Variants in VSTM5 observed in about 807,000 individuals in gnomAD.
VSTM5 encodes V-set and transmembrane domain containing 5, also known as V-set and transmembrane domain-containing protein 5.
VSTM5 carries 21 observed loss-of-function variants against 20.3 expected under a neutral mutation model. The observed-to-expected ratio is 1.03, with a 90% CI of 0.73 to 1.49. The LOEUF (loss-of-function observed/expected upper bound fraction) is 1.49. Among genes scored for constraint, VSTM5 ranks in the 40% most tolerant of loss-of-function variants. The pLI is 0.00. For missense variants in VSTM5, 219 were observed against 250.0 expected (o/e 0.88, Z 0.84); for synonymous variants, 100 against 102.5 (o/e 0.98, Z 0.14).
rs1242703598 is a variant in VSTM5 at position 93,819,526 on chromosome 11, T to C, written c.*1043A>G. ...CAGATCCTTGAAGAAGCCTCATGCATTTCGTAAGTTGCTCAGAGAACTCTG... is the reference window on the plus strand; with the variant it reads ...CAGATCCTTGAAGAAGCCTCATGCACTTCGTAAGTTGCTCAGAGAACTCTG... On this transcript the variant is annotated 3_prime_UTR_variant, in exon 4 of 4. Coordinates refer to ENST00000409977, the MANE Select transcript of VSTM5 (RefSeq NM_001144871.2). 6.6e-6 allele frequency: 1 copy of C among 152,248 alleles called. No individual in the cohort carries two copies. Among genetic ancestry groups the C allele is most frequent in the African/African-American group, 2.4e-5 (1 of 41,450 alleles). 9.4% of individuals were successfully genotyped at this position (152,248 alleles called of 1,614,324 possible).
At chr11:93,828,359 A>G (rs1944254875) in intron 1 of VSTM5, among the ~76,000 whole-genome samples, 1 of 152,256 alleles carries the variant, frequency 6.6e-6, no homozygotes, top group Non-Finnish European at 1.5e-5. Flanking sequence ...AGGAAATAGT[A>G]AAAGTACTAG....
chr11:93,849,873 G>A (rs539965715), intron 1 of VSTM5, among the ~76,000 whole-genome samples: 2 of 152,286 alleles, frequency 1.3e-5, no homozygotes, highest in Admixed American at 6.5e-5. Flanking sequence ...AGGCCACAAC[G>A]CCCAACCCAA....
chr11:93,820,398 G>C lies in VSTM5; in HGVS notation c.*171C>G. ...TAGCGCGAGTCCTAATACTAGCTTT[G>C]TCCCATCCACAGTCCTCAACTCCAT... On this transcript the variant is annotated 3_prime_UTR_variant, in exon 4 of 4. Coordinates refer to ENST00000409977, the MANE Select transcript of VSTM5 (RefSeq NM_001144871.2). 3 of 683,922 alleles carry C rather than the reference G, an allele frequency of 4.4e-6. No individual in the cohort carries two copies. Among genetic ancestry groups the C allele is most frequent in the Non-Finnish European group, 5.0e-6 (2 of 403,676 alleles). The allele number at this position is 683,922 out of a possible 1,614,324, so 42.4% of individuals were successfully genotyped here.
chr11:93,837,011 G>GCACACACACACA lies in VSTM5; in HGVS notation c.91+13389_91+13400dup, dbSNP rs59949447. ...CTTCTTTTTGCCTGAAAAAAAAAAT[G>GCACACACACACA]CACACACACACACACACACACACAC... On this transcript the variant is annotated intron_variant, in intron 1 of 3. Coordinates refer to ENST00000409977, the MANE Select transcript of VSTM5 (RefSeq NM_001144871.2). 4.7e-3 allele frequency among the ~76,000 whole-genome samples: 655 copies of GCACACACACACA among 140,806 alleles called. 7 individuals are homozygous for GCACACACACACA. The highest frequency in any genetic ancestry group is 0.016 in the African/African-American group (594 of 37,058). The allele number at this position is 140,806 out of a possible 152,430, so 92.4% of individuals were successfully genotyped here.
intron 1 of VSTM5, among the ~76,000 whole-genome samples, chr11:93,826,267 C>T (rs1944237193): frequency 6.6e-6 from 1 of 151,852 alleles, no homozygotes; most frequent in Non-Finnish European, 1.5e-5. Flanking sequence ...AATAAAAATT[C>T]AAAAATAAAT....
At chr11:93,824,634 T>C (rs1038887423) in intron 1 of VSTM5, among the ~76,000 whole-genome samples, 5 of 152,198 alleles carry the variant, frequency 3.3e-5, no homozygotes, top group Non-Finnish European at 7.3e-5. Flanking sequence ...TCCATTTTAT[T>C]GATTGTTTCC....
chr11:93,827,558 T>C (rs1944249208), intron 1 of VSTM5: 1 of 152,218 alleles, frequency 6.6e-6, no homozygotes, highest in African/African-American at 2.4e-5. Context: ...TATTCAGGCC[T>C]GGCTCAAGTG....
intron 1 of VSTM5, among the ~76,000 whole-genome samples, chr11:93,830,456 A>C (rs1410445423): frequency 1.3e-5 from 2 of 152,176 alleles, no homozygotes; most frequent in Non-Finnish European, 2.9e-5. Context: ...AGACCGCAAG[A>C]TCGTTCGTTA....
At position 93,845,243 on chromosome 11, in the gene VSTM5, T is replaced by G. The variant is rs551695450; in HGVS notation, c.91+5169A>C. Among the ~76,000 whole-genome samples the G allele has an allele frequency of 6.6e-5, 10 of 152,296 alleles. No homozygotes were observed. The South Asian group carries it at 2.1e-3, about 32-fold the overall frequency. On this transcript the variant is annotated intron_variant, in intron 1 of 3. Transcript: ENST00000409977. ...GGATGTGGGCATCTTACTAGGTCCGTGTACACTCAGAGAAAGATGACCCCA... is the reference window on the plus strand; with the variant it reads ...GGATGTGGGCATCTTACTAGGTCCGGGTACACTCAGAGAAAGATGACCCCA...
At chr11:93,848,919 AG>A (rs1270842902) in intron 1 of VSTM5, among the ~76,000 whole-genome samples, 8 of 152,186 alleles carry the variant, frequency 5.3e-5, no homozygotes, top group Non-Finnish European at 1.0e-4. Flanking sequence ...TAATATAAAA[AG>A]CCACTGCAAT....
In VSTM5 at chr11:93,821,049, C is replaced by CA. The variant is rs1323439893; in HGVS notation, c.365dup (p.Thr123AspfsTer18). The CA allele has an allele frequency of 3.2e-6, 5 of 1,551,594 alleles. No homozygotes were observed. In the Admixed American group the frequency reaches 5.9e-5, roughly 18 times the overall value. ...ACTGGCTGCTCCCCAGGCGCTCCGT[C>CA]ACGGTGATGACATAGTAGCCGGAAT... On this transcript the variant is annotated frameshift_variant, in exon 2 of 4. Transcript: ENST00000409977. LOFTEE classifies it high-confidence loss of function.
intron 1 of VSTM5, among the ~76,000 whole-genome samples, chr11:93,850,050 A>C (rs1944445652): frequency 6.6e-6 from 1 of 152,262 alleles, no homozygotes; most frequent in South Asian, 2.1e-4. Flanking sequence ...AAAGAAATAA[A>C]AAATGTTGCA....
intron 1 of VSTM5, chr11:93,821,654 A>C: frequency 3.3e-6 from 1 of 301,778 alleles, no homozygotes; most frequent in Non-Finnish European, 6.2e-6. Context: ...ATGCCCAAGG[A>C]CTCTTCTCAT....
intron 1 of VSTM5, among the ~76,000 whole-genome samples, chr11:93,837,997 G>T (rs1429269262): frequency 6.6e-6 from 1 of 151,766 alleles, no homozygotes; most frequent in Admixed American, 6.6e-5. Context: ...GATGCAGGGG[G>T]GTGGGGGTGG....
At chr11:93,828,111 G>T (rs1009250967) in intron 1 of VSTM5, among the ~76,000 whole-genome samples, 1 of 151,940 alleles carries the variant, frequency 6.6e-6, no homozygotes, top group Admixed American at 6.6e-5. Context: ...TGCAATCTTG[G>T]CCAGCAAAAT....
intron 1 of VSTM5, among the ~76,000 whole-genome samples, chr11:93,844,158 C>A (rs1293777759): frequency 6.6e-6 from 1 of 152,204 alleles, no homozygotes; most frequent in Non-Finnish European, 1.5e-5. Context: ...ATTGAATTGA[C>A]CTGACATAAG....
At chr11:93,831,516 G>A (rs1249537481) in intron 1 of VSTM5, among the ~76,000 whole-genome samples, 1 of 152,182 alleles carries the variant, frequency 6.6e-6, no homozygotes, top group African/African-American at 2.4e-5. Context: ...CATACCTCCT[G>A]TGAGCTCAGG....
intron 1 of VSTM5, among the ~76,000 whole-genome samples, chr11:93,846,322 G>A (rs1333213272): frequency 6.6e-6 from 1 of 152,194 alleles, no homozygotes; most frequent in Non-Finnish European, 1.5e-5. Context: ...AGACCAGCAG[G>A]GAGCATACTC....
intron 1 of VSTM5, among the ~76,000 whole-genome samples, chr11:93,849,497 G>A (rs7123395): frequency 0.17 from 25,217 of 152,136 alleles, 2,506 homozygotes; most frequent in African/African-American, 0.28. Flanking sequence ...TTGTGAAACA[G>A]GAATAAGAGT....
Sources: allele counts gnomAD v4.1 joint callset (sites outside exome capture counted in the v4.1 genomes callset), GRCh38; gene constraint gnomAD v4.1.1; transcripts MANE v1.5; gene names NCBI Gene and HGNC (gene_info 2026-07-23, HGNC 2026-07-21).